Variants in MECOM observed in about 807,000 individuals in gnomAD.
MECOM encodes the protein MDS1 and EVI1 complex locus, also known as histone-lysine N-methyltransferase MECOM.
In MECOM, 13 loss-of-function variants were observed where a neutral mutation model predicts 116.3. The ratio of observed to expected loss-of-function variants is 0.11; its 90% CI spans 0.07 to 0.18. The LOEUF is 0.18. Ranked by LOEUF, MECOM falls within the 10% of genes least tolerant of loss-of-function variation. The pLI is 1.00. For synonymous variants in MECOM, 528 were observed against 535.2 expected (o/e 0.99, Z 0.19); for missense variants, 1,299 against 1,509.0 (o/e 0.86, Z 2.31).
intron 2 of MECOM, among the ~76,000 whole-genome samples, chr3:169,234,403 T>C (rs1374541819): frequency 6.6e-6 from 1 of 151,342 alleles, no homozygotes; most frequent in African/African-American, 2.4e-5. Flanking sequence ...AATTATGTCA[T>C]TGAGCAAATG....
intron 2 of MECOM, among the ~76,000 whole-genome samples, chr3:169,188,614 G>A (rs1235265351): frequency 6.6e-6 from 1 of 152,004 alleles, no homozygotes; most frequent in East Asian, 1.9e-4. Flanking sequence ...TACCTTTATG[G>A]ACATCGGGTT....
intron 1 of MECOM, among the ~76,000 whole-genome samples, chr3:169,571,489 T>C (rs192057726): frequency 6.6e-6 from 1 of 152,296 alleles, no homozygotes; most frequent in Non-Finnish European, 1.5e-5. Flanking sequence ...AAGAAAAAAC[T>C]ACTTTAAATT....
chr3:169,564,384 G>C (rs1010630122), intron 1 of MECOM, among the ~76,000 whole-genome samples: 5 of 152,090 alleles, frequency 3.3e-5, no homozygotes, highest in Non-Finnish European at 7.4e-5. Context: ...TAGGAAAAAA[G>C]TAGTAAAAGC....
chr3:169,354,056 C>A (rs1726839715), intron 2 of MECOM, among the ~76,000 whole-genome samples: 1 of 151,786 alleles, frequency 6.6e-6, no homozygotes, highest in African/African-American at 2.4e-5. Context: ...CACAAACCTG[C>A]TTATAGTTAT....
chr3:169,288,564 C>T (rs907823502), intron 2 of MECOM, among the ~76,000 whole-genome samples: 1 of 152,232 alleles, frequency 6.6e-6, no homozygotes, highest in East Asian at 1.9e-4. Flanking sequence ...AGCAGCAGAG[C>T]CATCATTTAA....
intron 1 of MECOM, among the ~76,000 whole-genome samples, chr3:169,470,832 A>G (rs3909073): frequency 0.012 from 1,895 of 152,270 alleles, 24 homozygotes; most frequent in Admixed American, 0.019. Context: ...AAAAATGTCT[A>G]TTTTAAAGAT....
At chr3:169,252,392 T>G (rs1483434875) in intron 2 of MECOM, among the ~76,000 whole-genome samples, 2 of 151,862 alleles carry the variant, frequency 1.3e-5, no homozygotes, top group African/African-American at 4.8e-5. Context: ...TGTGTTCTGG[T>G]AGGTTAGAAA....
chr3:169,457,315 A>G (rs1746696092), intron 1 of MECOM, among the ~76,000 whole-genome samples: 1 of 152,212 alleles, frequency 6.6e-6, no homozygotes, highest in African/African-American at 2.4e-5. Flanking sequence ...AGGAACTCAC[A>G]GGGCTTAATT....
At chr3:169,400,895 C>T (rs1391281230) in intron 1 of MECOM, among the ~76,000 whole-genome samples, 2 of 152,180 alleles carry the variant, frequency 1.3e-5, no homozygotes, top group African/African-American at 4.8e-5. Context: ...AAACAAGGCT[C>T]ATTGCTGATG....
At chr3:169,149,595 C>A in intron 2 of MECOM, 1 of 424,638 alleles carries the variant, frequency 2.4e-6, no homozygotes. Flanking sequence ...CCTTCCGCCT[C>A]GCCCGCCGTT....
intron 1 of MECOM, among the ~76,000 whole-genome samples, chr3:169,568,351 T>A (rs759869099): frequency 3.3e-5 from 5 of 151,768 alleles, no homozygotes; most frequent in Non-Finnish European, 7.4e-5. Flanking sequence ...CAGTGGCACC[T>A]GGAACCTCCG....
At chr3:169,267,595 A>G (rs1350093908) in intron 2 of MECOM, among the ~76,000 whole-genome samples, 2 of 152,108 alleles carry the variant, frequency 1.3e-5, no homozygotes, top group East Asian at 1.9e-4. Context: ...ACATTAGCCT[A>G]TGTTTGACAG....
chr3:169,494,417 T>C, intron 1 of MECOM, among the ~76,000 whole-genome samples: 1 of 152,176 alleles, frequency 6.6e-6, no homozygotes, highest in East Asian at 1.9e-4. Flanking sequence ...TGCTATGCTT[T>C]GCAAAACTGC....
chr3:169,252,416 G>A (rs1002960249), intron 2 of MECOM, among the ~76,000 whole-genome samples: 1 of 151,306 alleles, frequency 6.6e-6, no homozygotes, highest in African/African-American at 2.4e-5. Flanking sequence ...GAGATTTATG[G>A]GATATGACCA....
At chr3:169,462,197 A>G (rs559772122) in intron 1 of MECOM, among the ~76,000 whole-genome samples, 7 of 152,192 alleles carry the variant, frequency 4.6e-5, no homozygotes, top group Non-Finnish European at 1.0e-4. Flanking sequence ...AGGTAGCCCC[A>G]GCAGACAGCA....
Position 169,460,924 on chromosome 3 carries a change from G to C in MECOM, c.38-79400C>G, listed in dbSNP as rs1349162949. Among the ~76,000 whole-genome samples the C allele has an allele frequency of 2.0e-5, 3 of 152,170 alleles. No individual in the cohort carries two copies. The East Asian group carries it at 5.8e-4, about 29-fold the overall frequency. ...AAGATATATGGGAGATCATGTTCCA[G>C]ATTCAGGTATCAGTTGGCCAGGGCC... On this transcript the variant is annotated intron_variant, in intron 1 of 16. Coordinates refer to ENST00000651503, the MANE Select transcript of MECOM (RefSeq NM_004991.4).
intron 4 of MECOM, among the ~76,000 whole-genome samples, chr3:169,128,981 G>C (rs777877312): frequency 2.0e-5 from 3 of 152,052 alleles, no homozygotes; most frequent in Admixed American, 6.6e-5. Flanking sequence ...AAATACCCAC[G>C]GCAAACAATA....
At chr3:169,111,674 A>AT (rs1727446573) in intron 9 of MECOM, among the ~76,000 whole-genome samples, 1 of 152,102 alleles carries the variant, frequency 6.6e-6, no homozygotes, top group South Asian at 2.1e-4. Context: ...ATATTATCTC[A>AT]TTTTGAAAGG....
At chr3:169,326,466 A>C (rs933884861) in intron 2 of MECOM, among the ~76,000 whole-genome samples, 12 of 152,242 alleles carry the variant, frequency 7.9e-5, no homozygotes, top group Non-Finnish European at 1.3e-4. Flanking sequence ...CATTTCAAAA[A>C]GTTAATGAAA....
Sources: gnomAD v4.1 joint callset for allele counts (sites outside exome capture counted in the v4.1 genomes callset) on GRCh38, gnomAD v4.1.1 for gene constraint, MANE v1.5 for transcripts, NCBI Gene and HGNC (gene_info 2026-07-23, HGNC 2026-07-21) for gene names.